SLC4A2: variants seen among roughly 807,000 people sequenced by gnomAD.
SLC4A2 encodes the protein solute carrier family 4 member 2, also known as anion exchange protein 2.
SLC4A2 carries 36 observed loss-of-function variants against 115.0 expected under a neutral mutation model. That is an observed-to-expected ratio of 0.31 (90% CI 0.24 to 0.41). The LOEUF (loss-of-function observed/expected upper bound fraction) is 0.41. Among genes scored for constraint, SLC4A2 ranks in the 10% least tolerant of loss-of-function variants. The pLI is 1.00. For synonymous variants in SLC4A2, 708 were observed against 708.3 expected, an observed-to-expected ratio of 1.00 and a Z score of 0.01; for missense variants, 1,252 against 1,705.6, an observed-to-expected ratio of 0.73 and a Z score of 4.68.
intron 18 of SLC4A2, 49 bp from the exon 19 acceptor site, chr7:151,074,626 C>T (rs1220632040): frequency 1.3e-6 from 2 of 1,574,400 alleles, no homozygotes; most frequent in Non-Finnish European, 1.7e-6. Flanking sequence ...CATGGCATGC[C>T]CTCCACATTC....
Position 151,069,915 on chromosome 7 carries a change from G to A in SLC4A2, c.1148-32G>A, listed in dbSNP as rs377493045. Reference sequence around the variant, plus strand: ...TCCTGCCACTGTTTTGTGACCTGGGGCTGAGGGGCCCTCTGTGCCATCTTA... The same window carrying A: ...TCCTGCCACTGTTTTGTGACCTGGGACTGAGGGGCCCTCTGTGCCATCTTA... On this transcript the variant is annotated intron_variant, in intron 8 of 22. Transcript: ENST00000413384. The A allele has an allele frequency of 3.7e-5, 60 of 1,613,226 alleles. 1 individual carries two copies. The Middle Eastern group carries it at 1.3e-3, about 36-fold the overall frequency.
Position 151,075,445 on chromosome 7 carries a change from A to G in SLC4A2, c.3238A>G (p.Lys1080Glu), listed in dbSNP as rs1797590746. The G allele has an allele frequency of 6.2e-7, 1 of 1,604,612 alleles. No individual in the cohort carries two copies. The highest frequency in any genetic ancestry group is 8.5e-7 in the Non-Finnish European group (1 of 1,179,966). Reference protein sequence around the residue: ...VMSKAVAPGDKPKIQEVKEQR... With the variant: ...VMSKAVAPGDEPKIQEVKEQR... ...GAGCAAGGCTGTGGCACCTGGGGACAAGCCCAAGATTCAGGAAGTCAAGGA... is the reference window on the plus strand; with the variant it reads ...GAGCAAGGCTGTGGCACCTGGGGACGAGCCCAAGATTCAGGAAGTCAAGGA... Residue 1080 changes from lysine (K) to glutamate (E), a missense_variant, in exon 20 of 23, where the codon AAG becomes GAG. Around this residue, in one of 14 missense-constraint regions of SLC4A2, gnomAD observed 253 missense variants for 407.4 expected, o/e 0.62. Transcript: ENST00000413384.
chr7:151,058,245 A>G (rs1796947635), upstream of SLC4A2: 1 of 288,596 alleles, frequency 3.5e-6, no homozygotes, highest in Non-Finnish European at 6.6e-6. Flanking sequence ...CTCCGGGACT[A>G]CGCGTTCCAG....
intron 21 of SLC4A2, 27 bp downstream of exon 21, chr7:151,075,802 G>A: frequency 1.9e-6 from 3 of 1,589,060 alleles, no homozygotes; most frequent in Non-Finnish European, 1.7e-6. Context: ...CCCACCGGAA[G>A]GGGTGTGCCT....
rs572773209 is a variant in SLC4A2, at chr7:151,076,275, C to G, written c.3646-12C>G. 1.2e-5 allele frequency: 19 copies of G among 1,575,472 alleles called. No individual in the cohort carries two copies. Among genetic ancestry groups the G allele is most frequent in the Non-Finnish European group, 1.6e-5 (18 of 1,158,548 alleles). On this transcript the variant is annotated splice_polypyrimidine_tract_variant and intron_variant, in intron 22 of 22. Coordinates refer to ENST00000413384, the MANE Select transcript of SLC4A2 (RefSeq NM_003040.4). ...CCACTTCCCTTCTTGACCGCCACCT[C>G]CCCACACACAGCTGGATGCTAACGA...
At chr7:151,070,407 C>G (rs748558218) in intron 10 of SLC4A2, 50 bp from the exon 11 acceptor site, 1 of 1,611,694 alleles carries the variant, frequency 6.2e-7, no homozygotes, top group Admixed American at 1.7e-5. Flanking sequence ...TGGGTGTGGA[C>G]TCAGAGTGGG....
intron 16 of SLC4A2, among the ~76,000 whole-genome samples, chr7:151,073,252 CTTTA>C (rs1797499861): frequency 6.8e-6 from 1 of 146,302 alleles, no homozygotes; most frequent in South Asian, 2.2e-4. Context: ...CCCAGTCCAT[CTTTA>C]TTTTATTTTA....
Position 151,074,448 on chromosome 7 carries a change from T to C in SLC4A2, c.2840T>C (p.Met947Thr). 1 of 1,614,082 alleles carries C rather than the reference T, an allele frequency of 6.2e-7. No homozygotes were observed. The stretch of plus-strand genomic sequence containing the variant: ...GGGGTGCCCATCGCCATCCTCATCA[T>C]GGTGCTTGTGGATTACAGTATTGAG... ...DFGVPIAILI[M>T]VLVDYSIEDT... The change falls in exon 18 of 23, where the codon ATG becomes ACG. Residue 947 changes from methionine (M) to threonine (T), a missense_variant. By Grantham distance (81) the Met-to-Thr change is moderately conservative (BLOSUM62 -1). Transcript: ENST00000413384.
At chr7:151,075,834 G>A (rs1797610208) in intron 21 of SLC4A2, 59 bp downstream of exon 21, 39 of 1,548,898 alleles carry the variant, frequency 2.5e-5, no homozygotes, top group Middle Eastern at 3.9e-4. Context: ...GGTCTACTTG[G>A]GTCACTCTCC....
At chr7:151,072,175 G>A (rs1406189260) in intron 16 of SLC4A2, 39 bp downstream of exon 16, 8 of 1,568,874 alleles carry the variant, frequency 5.1e-6, no homozygotes, top group African/African-American at 1.4e-5. Context: ...CAGGAGGGCC[G>A]AGGTCTCAGG....
At chr7:151,063,095 C>CG in intron 2 of SLC4A2, 1 of 1,488,178 alleles carries the variant, frequency 6.7e-7, no homozygotes, top group Non-Finnish European at 8.9e-7. Flanking sequence ...CCTGGCCAGG[C>CG]GGCTGCCGCT....
intron 11 of SLC4A2, 54 bp downstream of exon 11, chr7:151,070,625 G>T: frequency 1.3e-6 from 2 of 1,599,414 alleles, no homozygotes; most frequent in Non-Finnish European, 1.7e-6. Context: ...TTGAGGCAGA[G>T]TCCTGTAGTC....
intron 2 of SLC4A2, chr7:151,062,529 C>T (rs933769358): frequency 7.2e-6 from 10 of 1,385,882 alleles, no homozygotes; most frequent in African/African-American, 1.5e-5. Flanking sequence ...TGATTAACCC[C>T]GTGCCACAAT....
rs745617012 is a variant in SLC4A2, at chr7:151,074,581, A to C, written c.2880+93A>C. The C allele has an allele frequency of 6.9e-6, 11 of 1,582,876 alleles. No homozygotes were observed. In the East Asian group the frequency reaches 9.0e-5, roughly 13 times the overall value. ...AGCCTCCAAACCCAGCCTGTCCTTA[A>C]GCTTAAGCCTGTCCTTAAGATGCCA... is the stretch of plus-strand genomic sequence containing the variant. On this transcript the variant is annotated intron_variant, in intron 18 of 22. Transcript: ENST00000413384.
Position 151,061,999 on chromosome 7 carries a change from C to G in SLC4A2, c.12C>G (p.Ala4=). The change falls in exon 2 of 23, where the codon GCC becomes GCG. Residue 4 remains alanine (A), a synonymous_variant. Transcript: ENST00000413384. ...GCTAAGATTCGGCCATGAGCAGCGCCCCTCGGCGCCCCGCCAAGGGCGCAG... is the reference window on the plus strand; with the variant it reads ...GCTAAGATTCGGCCATGAGCAGCGCGCCTCGGCGCCCCGCCAAGGGCGCAG... The part of the protein sequence containing the change: MSS[A]PRRPAKGADS... 1 of 1,610,020 alleles carries G rather than the reference C, an allele frequency of 6.2e-7. No individual in the cohort carries two copies. Among genetic ancestry groups the G allele is most frequent in the Non-Finnish European group, 8.5e-7 (1 of 1,179,716 alleles).
At chr7:151,074,568 C>CAGCCTGTCCTTAAGCTTA (rs1275061620) in intron 18 of SLC4A2, 80 bp downstream of exon 18, 1 of 1,591,192 alleles carries the variant, frequency 6.3e-7, no homozygotes, top group Admixed American at 1.7e-5. Context: ...CCTCCAAACC[C>CAGCCTGTCCTTAAGCTTA]AGCCTGTCCT....
chr7:151,063,838 C>T (rs891277989), intron 2 of SLC4A2, among the ~76,000 whole-genome samples: 1 of 152,150 alleles, frequency 6.6e-6, no homozygotes, highest in Non-Finnish European at 1.5e-5. Context: ...AAGTAATTCT[C>T]CTGCCTCAGC....
At chr7:151,062,788 G>A (rs1797096217) in intron 2 of SLC4A2, 1 of 1,368,324 alleles carries the variant, frequency 7.3e-7, no homozygotes, top group Non-Finnish European at 9.4e-7. Context: ...GCCAGGAGAT[G>A]GACAGGAGCC....
At chr7:151,066,453 G>T (rs1279010727) in intron 5 of SLC4A2, 64 bp from the exon 6 acceptor site, 1 of 1,443,902 alleles carries the variant, frequency 6.9e-7, no homozygotes. Context: ...TACCGCCTGC[G>T]TGGGTGCTGG....
Sources: gnomAD v4.1 joint callset for allele counts (sites outside exome capture counted in the v4.1 genomes callset) on GRCh38, gnomAD v4.1.1 for gene constraint, gnomAD v4.1.1 regional missense constraint, MANE v1.5 for transcripts, NCBI Gene and HGNC (gene_info 2026-07-23, HGNC 2026-07-21) for gene names.